The following SLF2 variants were observed in gnomAD, a reference collection of about 807,000 sequenced individuals.
SLF2 encodes SMC5-SMC6 complex localization factor protein 2.
In SLF2, 68 loss-of-function variants were observed where a neutral mutation model predicts 124.3. The ratio of observed to expected loss-of-function variants is 0.55; its 90% CI spans 0.45 to 0.67. The LOEUF is 0.67. SLF2 is among the 30% of genes least tolerant of loss of function. SLF2 has a pLI of 0.00. For missense variants in SLF2, 1,246 were observed against 1,373.7 expected (o/e 0.91, Z 1.47); for synonymous variants, 480 against 478.8 (o/e 1.00, Z -0.03).
At position 100,955,920 on chromosome 10, in the gene SLF2, AG is replaced by A. The variant is rs1366888177; in HGVS notation, c.3331-530del. Among the ~76,000 whole-genome samples, 275 of 135,670 alleles carry A rather than the reference AG, an allele frequency of 2.0e-3. 3 individuals carry two copies. The highest frequency in any genetic ancestry group is 6.6e-3 in the African/African-American group (241 of 36,386). The allele number at this position is 135,670 out of a possible 152,430, so 89.0% of individuals were successfully genotyped here. On this transcript the variant is annotated intron_variant, in intron 17 of 19. Transcript: ENST00000238961. ...GACTCTGTCTCAAAAAAAAAAAAAA[AG>A]AACTGGGCACGGTGGTGCATGCCTG...
intron 6 of SLF2, among the ~76,000 whole-genome samples, chr10:100,929,054 C>G (rs925192056): frequency 6.6e-6 from 1 of 152,178 alleles, no homozygotes; most frequent in South Asian, 2.1e-4. Flanking sequence ...TGGAAATCCT[C>G]AAGTCTTTTA....
intron 1 of SLF2, 60 bp from the exon 2 acceptor site, chr10:100,915,939 C>T (rs1305835244): frequency 7.8e-7 from 1 of 1,274,050 alleles, no homozygotes; most frequent in East Asian, 2.3e-5. Context: ...TCCATTTAAT[C>T]TGAGTTATGA....
chr10:100,961,598 C>G (rs1476245975), intron 19 of SLF2, among the ~76,000 whole-genome samples: 1 of 152,162 alleles, frequency 6.6e-6, no homozygotes, highest in African/African-American at 2.4e-5. Context: ...CAAAACTATA[C>G]TAATCAGCTT....
Position 100,924,628 on chromosome 10 carries a change from G to A in SLF2, c.1627G>A (p.Gly543Arg). Residue 543 changes from glycine to arginine, a missense_variant, in exon 5 of 20, where the codon GGA becomes AGA. Transcript: ENST00000238961. ...SNVSSGKISGGPLRSEYGTPT... is the reference protein window; with the variant it reads ...SNVSSGKISGRPLRSEYGTPT... Reference sequence around the variant, plus strand: ...TGTATCTTCAGGGAAAATTTCTGGGGGACCTTTGCGCTCAGAATATGGCAC... The same window carrying A: ...TGTATCTTCAGGGAAAATTTCTGGGAGACCTTTGCGCTCAGAATATGGCAC... 1.9e-6 allele frequency: 3 copies of A among 1,613,924 alleles called. No individual in the cohort carries two copies. Among genetic ancestry groups the A allele is most frequent in the Non-Finnish European group, 2.5e-6 (3 of 1,180,006 alleles).
In SLF2 at chr10:100,938,838, C is replaced by T. The variant is rs138561824; in HGVS notation, c.2654+102C>T. ...ATTTATTTCTGATTTTTAAAAAGATCTCTCAAAGTTGAGATCAATCTTGAA... is the reference window on the plus strand; with the variant it reads ...ATTTATTTCTGATTTTTAAAAAGATTTCTCAAAGTTGAGATCAATCTTGAA... On this transcript the variant is annotated intron_variant, in intron 11 of 19. Transcript: ENST00000238961. 6.4e-3 allele frequency: 7,226 copies of T among 1,130,754 alleles called. 32 individuals carry two copies. The highest frequency in any genetic ancestry group is 7.4e-3 in the Non-Finnish European group (6,226 of 835,936). The allele number at this position is 1,130,754 out of a possible 1,614,324, so 70.0% of individuals were successfully genotyped here. A position where few individuals can be genotyped will look rare whatever the true frequency, so the allele number is the denominator to read the frequency against.
At chr10:100,961,373 T>C (rs1235741352) in intron 19 of SLF2, among the ~76,000 whole-genome samples, 1 of 152,170 alleles carries the variant, frequency 6.6e-6, no homozygotes, top group Non-Finnish European at 1.5e-5. Flanking sequence ...GGGACTAAAC[T>C]TTGAGTAGCC....
intron 11 of SLF2, among the ~76,000 whole-genome samples, chr10:100,940,840 T>TTCCTTCC (rs1198160529): frequency 1.5e-5 from 2 of 130,148 alleles, no homozygotes; most frequent in Non-Finnish European, 3.2e-5. Flanking sequence ...CCTTCCTTCC[T>TTCCTTCC]TCCTTCCTTC....
intron 4 of SLF2, among the ~76,000 whole-genome samples, chr10:100,922,311 A>G (rs1292905790): frequency 6.6e-6 from 1 of 152,142 alleles, no homozygotes; most frequent in African/African-American, 2.4e-5. Flanking sequence ...CCTGAGCCCA[A>G]GTGATCCTCC....
intron 18 of SLF2, among the ~76,000 whole-genome samples, chr10:100,957,924 C>T (rs1243526190): frequency 6.6e-6 from 1 of 151,986 alleles, no homozygotes; most frequent in Non-Finnish European, 1.5e-5. Flanking sequence ...TGGTGCGTGC[C>T]TGTAGTCTCA....
intron 1 of SLF2, chr10:100,913,784 A>G (rs1849367223): frequency 2.0e-6 from 2 of 985,876 alleles, no homozygotes; most frequent in Non-Finnish European, 2.4e-6. Flanking sequence ...ACGCCTCTCC[A>G]AGAGGCTAAT....
At position 100,961,956 on chromosome 10, in the gene SLF2, A is replaced by G. The variant is rs763362834; in HGVS notation, c.*44A>G. 8.9e-6 allele frequency: 14 copies of G among 1,567,062 alleles called. No homozygotes were observed. Among genetic ancestry groups the G allele is most frequent in the Non-Finnish European group, 1.2e-5 (14 of 1,142,868 alleles). Reference sequence around the variant, plus strand: ...AAATATGAACCAAGAGAAATTCAATAAGAGCCTTTCATAGAGGAGTAGAAA... The same window carrying G: ...AAATATGAACCAAGAGAAATTCAATGAGAGCCTTTCATAGAGGAGTAGAAA... On this transcript the variant is annotated 3_prime_UTR_variant, in exon 20 of 20. Coordinates refer to ENST00000238961, the MANE Select transcript of SLF2 (RefSeq NM_018121.4).
intron 18 of SLF2, among the ~76,000 whole-genome samples, chr10:100,957,518 T>A (rs914961526): frequency 5.8e-5 from 8 of 138,476 alleles, no homozygotes; most frequent in Non-Finnish European, 1.1e-4. Flanking sequence ...GCCCGGCAAA[T>A]TTTTTTTTTT....
At chr10:100,959,734 T>G in intron 19 of SLF2, 1 of 619,388 alleles carries the variant, frequency 1.6e-6, no homozygotes, top group African/African-American at 1.9e-5. Context: ...TTGCATCAAA[T>G]GGAGGTTATT....
intron 1 of SLF2, among the ~76,000 whole-genome samples, chr10:100,914,371 G>A (rs895084224): frequency 6.6e-6 from 1 of 152,082 alleles, no homozygotes; most frequent in Non-Finnish European, 1.5e-5. Context: ...TATGAACTTA[G>A]AGAACCTACC....
intron 9 of SLF2, among the ~76,000 whole-genome samples, chr10:100,936,865 TAA>T (rs36074599): frequency 0.44 from 64,673 of 146,452 alleles, 16,015 homozygotes; most frequent in Middle Eastern, 0.6. Context: ...ATGAAAGTTG[TAA>T]AAAAAAAAAA....
intron 9 of SLF2, among the ~76,000 whole-genome samples, chr10:100,933,416 G>A (rs1849783391): frequency 6.6e-6 from 1 of 152,028 alleles, no homozygotes; most frequent in Admixed American, 6.6e-5. Flanking sequence ...TTTCATCGTG[G>A]GAGGCTTTAC....
intron 11 of SLF2, among the ~76,000 whole-genome samples, chr10:100,939,783 C>G (rs1384193185): frequency 2.0e-5 from 3 of 151,596 alleles, no homozygotes; most frequent in Non-Finnish European, 4.4e-5. Context: ...ATAGACTGAT[C>G]ACAGAAAAGG....
intron 6 of SLF2, 94 bp downstream of exon 6, chr10:100,926,113 A>G (rs1457913824): frequency 2.5e-6 from 4 of 1,596,950 alleles, no homozygotes; most frequent in Non-Finnish European, 3.4e-6. Context: ...ATCATGAGAA[A>G]TTAGCGTGCA....
At position 100,924,061 on chromosome 10, in the gene SLF2, C is replaced by A. The variant is rs753874715; in HGVS notation, c.1060C>A (p.Pro354Thr). Residue 354 changes from proline to threonine, a missense_variant, in exon 5 of 20, where the codon CCA (proline) becomes ACA (threonine). Transcript: ENST00000238961. ...DLKSTRESMIPKARESFLEKR... is the reference protein window; with the variant it reads ...DLKSTRESMITKARESFLEKR... ...GAAAAGCACAAGAGAATCTATGATA[C>A]CAAAAGCAAGAGAGTCCTTCCTTGA... The A allele has an allele frequency of 1.9e-6, 3 of 1,609,458 alleles. No homozygotes were observed. Among genetic ancestry groups the A allele is most frequent in the Admixed American group, 1.7e-5 (1 of 58,436 alleles).
Sources: gnomAD v4.1 joint callset for allele counts (sites outside exome capture counted in the v4.1 genomes callset) on GRCh38, gnomAD v4.1.1 for gene constraint, MANE v1.5 for transcripts, NCBI Gene and HGNC (gene_info 2026-07-23, HGNC 2026-07-21) for gene names.